Variants in ADGRA1 observed in about 807,000 individuals in gnomAD.
ADGRA1 encodes adhesion G protein-coupled receptor A1.
A neutral mutation model predicts 21.3 loss-of-function variants in ADGRA1; 12 were observed. The ratio of observed to expected loss-of-function variants is 0.56; its 90% confidence interval spans 0.36 to 0.91. ADGRA1 has a LOEUF of 0.91. Among genes scored for constraint, ADGRA1 ranks in the 40% least tolerant of loss-of-function variants. The pLI, the probability that ADGRA1 is intolerant of heterozygous loss-of-function variation, is 0.01. For missense variants in ADGRA1, 790 were observed against 805.6 expected (o/e 0.98, Z 0.23); for synonymous variants, 385 against 368.8 (o/e 1.04, Z -0.50).
At chr10:133,100,088 G>A (rs1045632345) in intron 4 of ADGRA1, among the ~76,000 whole-genome samples, 14 of 152,224 alleles carry the variant, frequency 9.2e-5, no homozygotes, top group Non-Finnish European at 2.1e-4. Context: ...CAAACACAGG[G>A]CCCTGGCGTC....
intron 2 of ADGRA1, among the ~76,000 whole-genome samples, chr10:133,092,342 A>C (rs1252668790): frequency 1.3e-5 from 2 of 152,270 alleles, no homozygotes; most frequent in East Asian, 3.8e-4. Context: ...CCGAAAATTA[A>C]GAACTTTAAG....
intron 2 of ADGRA1, chr10:133,095,729 A>C (rs1024899901): frequency 1.3e-6 from 2 of 1,598,298 alleles, no homozygotes; most frequent in East Asian, 2.2e-5. Flanking sequence ...GTGTGGCCTC[A>C]GGAGGGAAGC....
chr10:133,131,082 A>ACCT lies in ADGRA1; in HGVS notation c.*1572_*1573insCTC, dbSNP rs1852516697. 1 of 152,160 alleles carries ACCT rather than the reference A, an allele frequency of 6.6e-6. No individual in the cohort carries two copies. The highest frequency in any genetic ancestry group is 2.1e-4 in the South Asian group (1 of 4,822). The allele number at this position is 152,160 out of a possible 1,614,324, so 9.4% of individuals were successfully genotyped here. A position where few individuals can be genotyped will look rare whatever the true frequency, so the allele number is the denominator to read the frequency against. On this transcript the variant is annotated 3_prime_UTR_variant, in exon 7 of 7. Transcript: ENST00000392607. ...TCTCACCAGGAGCAGAGCCTCCCTA[A>ACCT]CGTGCACCTCCGAGAAGAGGGGTGT...
chr10:133,128,481 A>G lies in ADGRA1; in HGVS notation c.653A>G (p.Gln218Arg), dbSNP rs1483509229. The G allele has an allele frequency of 6.4e-7, 1 of 1,569,290 alleles. No homozygotes were observed. Among genetic ancestry groups the G allele is most frequent in the African/African-American group, 1.4e-5 (1 of 73,472 alleles). The change falls in exon 7 of 7, where the codon CAG becomes CGG. Residue 218 changes from glutamine (Q) to arginine (R), a missense_variant. This residue lies in a region of ADGRA1 where 382 missense variants were observed against 415.6 expected (regional missense o/e 0.92). Coordinates refer to ENST00000392607, the MANE Select transcript of ADGRA1 (RefSeq NM_001083909.3). Reference sequence around the variant, plus strand: ...GAGCTGCGCACACAGCCCGAGGAGCAGCGGCGGCTGGCGACACCCGAGGGC... The same window carrying G: ...GAGCTGCGCACACAGCCCGAGGAGCGGCGGCGGCTGGCGACACCCGAGGGC... ...RYELRTQPEE[Q>R]RRLATPEGGR...
At position 133,129,622 on chromosome 10, in the gene ADGRA1, G is replaced by A. The variant is rs912015932; in HGVS notation, c.*111G>A. 1.8e-5 allele frequency: 15 copies of A among 843,632 alleles called. No homozygotes were observed. The highest frequency in any genetic ancestry group is 1.5e-4 in the African/African-American group (9 of 58,706). 52.3% of individuals were successfully genotyped at this position (843,632 alleles called of 1,614,324 possible). A position where few individuals can be genotyped will look rare whatever the true frequency, so the allele number is the denominator to read the frequency against. ...GAAGTGACCCCGCCTTTCAGAAGCC[G>A]TTCACACCCCTGCCCCTTCCTTGTG... On this transcript the variant is annotated 3_prime_UTR_variant, in exon 7 of 7. Coordinates refer to ENST00000392607, the MANE Select transcript of ADGRA1 (RefSeq NM_001083909.3).
In ADGRA1 at chr10:133,123,352, G is replaced by A. The variant is rs369976979; in HGVS notation, c.402-3881G>A. ...CTGTGTTTGTTCCTCACATCAGCCC[G>A]AGCGGCAGAGACTTTCCCTTTCGCT... On this transcript the variant is annotated intron_variant, in intron 5 of 6. Transcript: ENST00000392607. 2.0e-5 allele frequency among the ~76,000 whole-genome samples: 3 copies of A among 152,316 alleles called. No individual in the cohort carries two copies. The East Asian group carries it at 5.8e-4, about 29-fold the overall frequency.
At chr10:133,096,251 C>T (rs999856516) in intron 2 of ADGRA1, among the ~76,000 whole-genome samples, 1 of 152,210 alleles carries the variant, frequency 6.6e-6, no homozygotes, top group Non-Finnish European at 1.5e-5. Context: ...CCCCTCTGTG[C>T]TTCCCCGGTG....
At chr10:133,094,644 G>A (rs1851657774) in intron 2 of ADGRA1, among the ~76,000 whole-genome samples, 1 of 152,140 alleles carries the variant, frequency 6.6e-6, no homozygotes, top group Admixed American at 6.5e-5. Flanking sequence ...ACTCGGAGAG[G>A]GCTGGACACA....
At chr10:133,113,503 G>T (rs9419008) in intron 5 of ADGRA1, among the ~76,000 whole-genome samples, 31,082 of 152,178 alleles carry the variant, frequency 0.2, 3,954 homozygotes, top group East Asian at 0.59. Context: ...ACTGCCTTGG[G>T]CTTGGGACCT....
At position 133,116,285 on chromosome 10, in the gene ADGRA1, C is replaced by G. The variant is rs1437378967; in HGVS notation, c.402-10948C>G. ...GCAGGGCCTGTGCCTTCGCCTATAACAGTCCCTCGGCCTGTGGGGGACCCC... is the reference window on the plus strand; with the variant it reads ...GCAGGGCCTGTGCCTTCGCCTATAAGAGTCCCTCGGCCTGTGGGGGACCCC... On this transcript the variant is annotated intron_variant, in intron 5 of 6. Transcript: ENST00000392607. Among the ~76,000 whole-genome samples the G allele has an allele frequency of 2.0e-5, 3 of 152,134 alleles. No individual in the cohort carries two copies. The South Asian group carries it at 6.2e-4, about 31-fold the overall frequency.
intron 5 of ADGRA1, among the ~76,000 whole-genome samples, chr10:133,111,885 C>CCCCCGGGA (rs1852024336): frequency 9.8e-6 from 1 of 102,374 alleles, no homozygotes; most frequent in Non-Finnish European, 2.0e-5. Flanking sequence ...ACCACCTGCC[C>CCCCCGGGA]ACCACAGACA....
In ADGRA1 at chr10:133,130,325, C is replaced by G. The variant is rs561771711; in HGVS notation, c.*814C>G. ...ATGCCCAGACATCCTTTAGTGAAGA[C>G]TCGACTTCCAAAACCAGCCACCGCT... On this transcript the variant is annotated 3_prime_UTR_variant, in exon 7 of 7. Transcript: ENST00000392607. The G allele has an allele frequency of 5.3e-5, 8 of 152,338 alleles. No individual in the cohort carries two copies. Among genetic ancestry groups the G allele is most frequent in the African/African-American group, 1.9e-4 (8 of 41,562 alleles). The allele number at this position is 152,338 out of a possible 1,614,324, so 9.4% of individuals were successfully genotyped here. A position where few individuals can be genotyped will look rare whatever the true frequency, so the allele number is the denominator to read the frequency against.
At chr10:133,113,294 G>C (rs768363727) in intron 5 of ADGRA1, among the ~76,000 whole-genome samples, 2 of 151,358 alleles carry the variant, frequency 1.3e-5, no homozygotes, top group Admixed American at 6.6e-5. Flanking sequence ...CGGTTTGGAA[G>C]TCCAATGGCA....
intron 5 of ADGRA1, 48 bp downstream of exon 5, chr10:133,102,890 G>A (rs374408713): frequency 1.9e-4 from 301 of 1,575,444 alleles, no homozygotes; most frequent in African/African-American, 9.7e-4. Flanking sequence ...GGCCCTGGAC[G>A]CTGCATGCAC....
At chr10:133,105,846 G>A (rs1209858587) in intron 5 of ADGRA1, among the ~76,000 whole-genome samples, 3 of 152,202 alleles carry the variant, frequency 2.0e-5, no homozygotes, top group East Asian at 1.9e-4. Context: ...TCTGCGGCCC[G>A]AACGTTCCAG....
At position 133,122,428 on chromosome 10, in the gene ADGRA1, A is replaced by T. The variant is rs529223753; in HGVS notation, c.402-4805A>T. On this transcript the variant is annotated intron_variant, in intron 5 of 6. Transcript: ENST00000392607. ...AGGGATCACAGAGCCGGCAGCACTC[A>T]GGCTGGGCACGGGGCCGAGGGGCTA... is the stretch of plus-strand genomic sequence containing the variant. Among the ~76,000 whole-genome samples, 3 of 152,344 alleles carry T rather than the reference A, an allele frequency of 2.0e-5. No individual in the cohort carries two copies. The East Asian group carries it at 5.8e-4, about 29-fold the overall frequency.
chr10:133,100,654 G>A (rs910323489), intron 4 of ADGRA1, among the ~76,000 whole-genome samples: 23 of 152,214 alleles, frequency 1.5e-4, no homozygotes, highest in Admixed American at 1.3e-3. Context: ...AAAGATTGTG[G>A]CCTATCTCCA....
chr10:133,128,301 G>A lies in ADGRA1; in HGVS notation c.501-28G>A, dbSNP rs142554577. The A allele has an allele frequency of 1.7e-3, 2,559 of 1,492,184 alleles. 47 individuals carry two copies. The South Asian group carries it at 0.021, about 12-fold the overall frequency. 92.4% of individuals were successfully genotyped at this position (1,492,184 alleles called of 1,614,324 possible). A position where few individuals can be genotyped will look rare whatever the true frequency, so the allele number is the denominator to read the frequency against. ...CCTGAGTCCTGGCCGTGCTGGCCCC[G>A]CTGACACTGACGTGCGTCTCCCCAC... On this transcript the variant is annotated intron_variant, in intron 6 of 6. Coordinates refer to ENST00000392607, the MANE Select transcript of ADGRA1 (RefSeq NM_001083909.3).
chr10:133,104,002 C>T (rs1402796838), intron 5 of ADGRA1, among the ~76,000 whole-genome samples: 17 of 152,234 alleles, frequency 1.1e-4, no homozygotes, highest in Non-Finnish European at 2.9e-5. Context: ...TCTTGGAGGA[C>T]ATTCATCCGG....
Sources: gnomAD v4.1 joint callset for allele counts (sites outside exome capture counted in the v4.1 genomes callset) on GRCh38, gnomAD v4.1.1 for gene constraint, gnomAD v4.1.1 regional missense constraint, MANE v1.5 for transcripts, NCBI Gene and HGNC (gene_info 2026-07-23, HGNC 2026-07-21) for gene names.